Variants in FAM13C observed in about 807,000 individuals in gnomAD.
FAM13C encodes family with sequence similarity 13 member C.
A neutral mutation model predicts 73.2 loss-of-function variants in FAM13C; 37 were observed. The ratio of observed to expected loss-of-function variants is 0.51; its 90% CI spans 0.39 to 0.67. The LOEUF (loss-of-function observed/expected upper bound fraction) is 0.67. FAM13C is among the 30% of genes least tolerant of loss of function. The pLI is 0.00. For synonymous variants in FAM13C, 246 were observed against 260.9 expected (o/e 0.94, Z 0.55); for missense variants, 589 against 715.6 (o/e 0.82, Z 2.02).
intron 11 of FAM13C, 75 bp downstream of exon 11, chr10:59,254,273 C>T: frequency 9.9e-7 from 1 of 1,008,114 alleles, no homozygotes; most frequent in East Asian, 2.8e-5. Flanking sequence ...TCTTTTATAA[C>T]TCTTGTACTA....
chr10:59,268,728 A>T, intron 7 of FAM13C, 37 bp from the exon 8 acceptor site: 1 of 1,599,326 alleles, frequency 6.3e-7, no homozygotes, highest in East Asian at 2.2e-5. Context: ...TATCAAAAAC[A>T]GTGGGCTTCC....
At chr10:59,338,001 C>T (rs16913417) in intron 3 of FAM13C, among the ~76,000 whole-genome samples, 24,111 of 152,032 alleles carry the variant, frequency 0.16, 2,175 homozygotes, top group East Asian at 0.32. Context: ...TTTTCATTCT[C>T]ACTGTTGTCA....
intron 10 of FAM13C, among the ~76,000 whole-genome samples, chr10:59,255,275 G>A (rs1019048053): frequency 6.6e-6 from 1 of 152,086 alleles, no homozygotes; most frequent in South Asian, 2.1e-4. Flanking sequence ...GGAGGTTGGA[G>A]TTACCAATAT....
intron 6 of FAM13C, among the ~76,000 whole-genome samples, chr10:59,275,815 CAGT>C (rs2133612061): frequency 6.6e-6 from 1 of 152,144 alleles, no homozygotes; most frequent in South Asian, 2.1e-4. Context: ...TATAACAACA[CAGT>C]ACTTGGTCTA....
At chr10:59,284,731 ACCC>A (rs1286253872) in intron 5 of FAM13C, among the ~76,000 whole-genome samples, 1 of 140,502 alleles carries the variant, frequency 7.1e-6, no homozygotes, top group East Asian at 2.1e-4. Context: ...ACCTAAAAAC[ACCC>A]CACCTTCCAC....
intron 8 of FAM13C, among the ~76,000 whole-genome samples, chr10:59,267,199 G>C (rs138407995): frequency 1.3e-5 from 2 of 152,152 alleles, no homozygotes; most frequent in African/African-American, 4.8e-5. Context: ...TTTCCAATAC[G>C]AGGACATCAT....
chr10:59,257,773 AGCC>A (rs1162596072), intron 10 of FAM13C, among the ~76,000 whole-genome samples: 1 of 152,236 alleles, frequency 6.6e-6, no homozygotes, highest in Non-Finnish European at 1.5e-5. Flanking sequence ...TAGATGTTCA[AGCC>A]GGGAATTGAA....
chr10:59,280,383 C>G (rs887248388), intron 6 of FAM13C, among the ~76,000 whole-genome samples: 1 of 152,184 alleles, frequency 6.6e-6, no homozygotes, highest in Non-Finnish European at 1.5e-5. Context: ...AACCCTTGGA[C>G]TTTCTCCTCC....
chr10:59,295,379 C>A (rs1302643306), intron 5 of FAM13C, among the ~76,000 whole-genome samples: 1 of 152,204 alleles, frequency 6.6e-6, no homozygotes, highest in African/African-American at 2.4e-5. Context: ...ATTTGCCACG[C>A]TGTTGCTGGC....
At chr10:59,316,388 C>A (rs1849531721) in intron 4 of FAM13C, among the ~76,000 whole-genome samples, 1 of 152,106 alleles carries the variant, frequency 6.6e-6, no homozygotes, top group Non-Finnish European at 1.5e-5. Flanking sequence ...GCAATAAATA[C>A]AAATATAAAT....
intron 5 of FAM13C, among the ~76,000 whole-genome samples, chr10:59,296,111 G>T (rs976897328): frequency 6.6e-6 from 1 of 152,084 alleles, no homozygotes; most frequent in African/African-American, 2.4e-5. Flanking sequence ...AATGTTAAAG[G>T]CCTAGGAAGC....
At chr10:59,322,253 G>A (rs1291036402) in intron 4 of FAM13C, among the ~76,000 whole-genome samples, 1 of 152,138 alleles carries the variant, frequency 6.6e-6, no homozygotes, top group East Asian at 1.9e-4. Flanking sequence ...CACCATGGTT[G>A]TGATAAATAA....
At chr10:59,263,852 C>T (rs1842756944) in intron 9 of FAM13C, 1 of 515,406 alleles carries the variant, frequency 1.9e-6, no homozygotes, top group Admixed American at 3.2e-5. Flanking sequence ...TGAAGTGAAT[C>T]ATTCCACTTG....
intron 3 of FAM13C, among the ~76,000 whole-genome samples, chr10:59,325,298 T>C (rs1176960618): frequency 6.6e-6 from 1 of 152,160 alleles, no homozygotes; most frequent in Non-Finnish European, 1.5e-5. Flanking sequence ...AAAAACATGG[T>C]GAGGCTTTTT....
Position 59,247,607 on chromosome 10 carries a change from C to G in FAM13C, c.*7G>C. The G allele has an allele frequency of 6.2e-7, 1 of 1,613,036 alleles. No individual in the cohort carries two copies. Among genetic ancestry groups the G allele is most frequent in the Admixed American group, 1.7e-5 (1 of 59,938 alleles). The stretch of plus-strand genomic sequence containing the variant: ...TGGGTGAAAGTGATCATAACATTTC[C>G]TGAACCTCAAATAGTTTTGGCCACA... On this transcript the variant is annotated 3_prime_UTR_variant, in exon 14 of 14. Transcript: ENST00000618804.
chr10:59,307,190 G>T (rs1013238556), intron 4 of FAM13C, among the ~76,000 whole-genome samples: 4 of 152,120 alleles, frequency 2.6e-5, no homozygotes, highest in Admixed American at 2.6e-4. Context: ...TCTGGCCAGG[G>T]TTCACCCTGG....
chr10:59,307,528 G>A (rs370663319), intron 4 of FAM13C, among the ~76,000 whole-genome samples: 2 of 152,276 alleles, frequency 1.3e-5, no homozygotes, highest in African/African-American at 4.8e-5. Context: ...CCTAATAGGA[G>A]AAAGGGTAGT....
intron 3 of FAM13C, among the ~76,000 whole-genome samples, chr10:59,338,300 A>G (rs1853015446): frequency 6.6e-6 from 1 of 152,070 alleles, no homozygotes; most frequent in African/African-American, 2.4e-5. Context: ...GACAGATAAC[A>G]TGCCTGTCCC....
At chr10:59,312,435 C>T (rs1022937687) in intron 4 of FAM13C, among the ~76,000 whole-genome samples, 1 of 152,078 alleles carries the variant, frequency 6.6e-6, no homozygotes, top group African/African-American at 2.4e-5. Context: ...CCAGCACCTC[C>T]CACAGGGATG....
Sources: allele counts gnomAD v4.1 joint callset (sites outside exome capture counted in the v4.1 genomes callset), GRCh38; gene constraint gnomAD v4.1.1; transcripts MANE v1.5; gene names NCBI Gene and HGNC (gene_info 2026-07-23, HGNC 2026-07-21).